SYNPO2: variants seen among roughly 807,000 people sequenced by gnomAD.
The protein encoded by SYNPO2 is synaptopodin-2.
SYNPO2 carries 56 observed loss-of-function variants against 85.0 expected under a neutral mutation model. The ratio of observed to expected loss-of-function variants is 0.66; its 90% confidence interval spans 0.53 to 0.82. The LOEUF (loss-of-function observed/expected upper bound fraction) is 0.82. SYNPO2 is among the 40% of genes least tolerant of loss of function. The probability of loss-of-function intolerance (pLI) is 0.00; values close to 1 mark genes in which losing one functional copy is unlikely to be tolerated. For synonymous variants in SYNPO2, 602 were observed against 591.1 expected (o/e 1.02, Z -0.27); for missense variants, 1,575 against 1,534.2 (o/e 1.03, Z -0.44).
Position 118,958,161 on chromosome 4 carries a change from C to A in SYNPO2, c.106-65269C>A, listed in dbSNP as rs560076052. Among the ~76,000 whole-genome samples, 3 of 152,138 alleles carry A rather than the reference C, an allele frequency of 2.0e-5. No homozygotes were observed. In the East Asian group the frequency reaches 5.8e-4, roughly 29 times the overall value. On this transcript the variant is annotated intron_variant, in intron 1 of 4. Transcript: ENST00000307142. The stretch of plus-strand genomic sequence containing the variant: ...ACTCTTAGCATTTTTGAAGAGTGGG[C>A]ATTGTTTTCATCCTTCTCACATCTC...
chr4:118,979,614 T>C (rs539457965), intron 1 of SYNPO2, among the ~76,000 whole-genome samples: 10 of 152,374 alleles, frequency 6.6e-5, no homozygotes, highest in African/African-American at 2.4e-4. Context: ...GCCAATGATA[T>C]GTGCTCAGTA....
chr4:118,955,151 C>T (rs1734831314), intron 1 of SYNPO2, among the ~76,000 whole-genome samples: 1 of 152,066 alleles, frequency 6.6e-6, no homozygotes, highest in Non-Finnish European at 1.5e-5. Flanking sequence ...AAGCACTCAC[C>T]ACCACACCTG....
intron 4 of SYNPO2, among the ~76,000 whole-genome samples, chr4:119,046,334 A>G (rs763370952): frequency 6.6e-6 from 1 of 152,224 alleles, no homozygotes; most frequent in Admixed American, 6.5e-5. Context: ...AAAAAAATCA[A>G]GAAGTGTATA....
intron 1 of SYNPO2, among the ~76,000 whole-genome samples, chr4:118,948,775 C>T (rs921360098): frequency 1.3e-5 from 2 of 152,292 alleles, no homozygotes; most frequent in East Asian, 1.9e-4. Flanking sequence ...ATGAGTGATT[C>T]GTTCCCATGA....
At chr4:118,951,303 G>A (rs1289921679) in intron 1 of SYNPO2, among the ~76,000 whole-genome samples, 2 of 152,192 alleles carry the variant, frequency 1.3e-5, no homozygotes, top group South Asian at 2.1e-4. Flanking sequence ...ATCCTCTGGA[G>A]GGGGAGAATG....
chr4:118,974,007 C>T (rs1015905014), intron 1 of SYNPO2, among the ~76,000 whole-genome samples: 6 of 152,134 alleles, frequency 3.9e-5, no homozygotes, highest in East Asian at 1.9e-4. Flanking sequence ...CAGCTGAGGA[C>T]GCTGACTTAA....
At chr4:118,936,492 A>T (rs1317865039) in intron 1 of SYNPO2, among the ~76,000 whole-genome samples, 1 of 152,184 alleles carries the variant, frequency 6.6e-6, no homozygotes, top group Non-Finnish European at 1.5e-5. Context: ...AAGAGAAAGA[A>T]TTCCATCAAA....
At chr4:118,985,418 A>G (rs991561325) in intron 1 of SYNPO2, among the ~76,000 whole-genome samples, 4 of 152,190 alleles carry the variant, frequency 2.6e-5, no homozygotes, top group Admixed American at 2.0e-4. Context: ...GTGCTGGCAC[A>G]TTTTGATGGA....
chr4:118,880,386 TG>T (rs971618756), intron 1 of SYNPO2, among the ~76,000 whole-genome samples: 4 of 152,136 alleles, frequency 2.6e-5, no homozygotes, highest in African/African-American at 9.7e-5. Context: ...ACACTGATTT[TG>T]GGGGGTATAA....
chr4:118,868,975 C>T (rs1169110904), intron 1 of SYNPO2, among the ~76,000 whole-genome samples: 1 of 152,094 alleles, frequency 6.6e-6, no homozygotes, highest in Non-Finnish European at 1.5e-5. Context: ...TGCCTGGCTG[C>T]CTGTTGTCGT....
intron 4 of SYNPO2, among the ~76,000 whole-genome samples, chr4:119,053,191 G>C (rs1739106008): frequency 6.6e-6 from 1 of 152,204 alleles, no homozygotes; most frequent in African/African-American, 2.4e-5. Flanking sequence ...CCTTGAAACT[G>C]TGATGGACAG....
At chr4:118,858,098 G>A (rs746396842) in intron 1 of SYNPO2, among the ~76,000 whole-genome samples, 10 of 152,132 alleles carry the variant, frequency 6.6e-5, no homozygotes, top group Admixed American at 2.0e-4. Context: ...CCTTAGGGCT[G>A]TAGCCTCCTT....
At chr4:118,885,469 C>CTTTT (rs200816127), upstream of SYNPO2, among the ~76,000 whole-genome samples, 5 of 140,926 alleles carry the variant, frequency 3.5e-5, 1 homozygote, top group Admixed American at 7.1e-5. Flanking sequence ...ATCCATAGGT[C>CTTTT]TTTTTTTTTT....
chr4:118,855,067 A>G (rs1731480764), intron 1 of SYNPO2, among the ~76,000 whole-genome samples: 1 of 152,104 alleles, frequency 6.6e-6, no homozygotes, highest in Admixed American at 6.5e-5. Context: ...AGCAAGTTGC[A>G]ATGAATGACA....
At chr4:118,981,656 A>T (rs1028062024) in intron 1 of SYNPO2, among the ~76,000 whole-genome samples, 2 of 152,138 alleles carry the variant, frequency 1.3e-5, no homozygotes, top group Non-Finnish European at 1.5e-5. Flanking sequence ...CAAAGGCATA[A>T]GGGGGCCAGT....
intron 1 of SYNPO2, among the ~76,000 whole-genome samples, chr4:118,925,841 C>T (rs1186712979): frequency 1.0e-5 from 1 of 96,988 alleles, no homozygotes; most frequent in African/African-American, 4.6e-5. Context: ...ATAACAATTA[C>T]AGTATAGAGT....
rs186454783 is a variant in SYNPO2 at position 118,910,082 on chromosome 4, C to T, written c.105+20941C>T. Among the ~76,000 whole-genome samples, 344 of 152,290 alleles carry T rather than the reference C, an allele frequency of 2.3e-3. 1 individual carries two copies. Among genetic ancestry groups the T allele is most frequent in the Non-Finnish European group, 3.7e-3 (255 of 68,018 alleles). ...ATCATTCATGTAGCTAAAGTATTGA[C>T]GGTTCACCAGTCCCTTCTGGGTTGT... On this transcript the variant is annotated intron_variant, in intron 1 of 4. Coordinates refer to ENST00000307142, the MANE Select transcript of SYNPO2 (RefSeq NM_133477.3).
intron 1 of SYNPO2, among the ~76,000 whole-genome samples, chr4:118,854,583 T>C (rs1731474819): frequency 1.3e-5 from 2 of 152,210 alleles, no homozygotes; most frequent in Non-Finnish European, 2.9e-5. Flanking sequence ...AAGTTCAGCA[T>C]TGAAGATAAA....
At chr4:119,006,412 T>C (rs1002040523) in intron 1 of SYNPO2, 1 of 152,174 alleles carries the variant, frequency 6.6e-6, no homozygotes, top group Non-Finnish European at 1.5e-5. Flanking sequence ...TCCTTGGCTG[T>C]CAGCACCAGA....
Sources: gnomAD v4.1 joint callset for allele counts (sites outside exome capture counted in the v4.1 genomes callset) on GRCh38, gnomAD v4.1.1 for gene constraint, MANE v1.5 for transcripts, NCBI Gene and HGNC (gene_info 2026-07-23, HGNC 2026-07-21) for gene names.